Variants in DLGAP2 observed in about 807,000 individuals in gnomAD.
DLGAP2 encodes the protein disks large-associated protein 2.
In DLGAP2, 26 loss-of-function variants were observed where a neutral mutation model predicts 100.3. That is an observed-to-expected ratio of 0.26 (90% confidence interval 0.19 to 0.36). The LOEUF (loss-of-function observed/expected upper bound fraction) is 0.36. DLGAP2 is among the 10% of genes least tolerant of loss of function. The probability of loss-of-function intolerance (pLI) is 1.00; values close to 1 mark genes in which losing one functional copy is unlikely to be tolerated. For synonymous variants in DLGAP2, 886 were observed against 630.1 expected (o/e 1.41, Z -6.08); for missense variants, 1,858 against 1,453.2 (o/e 1.28, Z -4.53).
intron 3 of DLGAP2, among the ~76,000 whole-genome samples, chr8:1,282,791 G>A (rs1799842740): frequency 1.1e-5 from 1 of 93,310 alleles, no homozygotes; most frequent in Non-Finnish European, 2.1e-5. Context: ...GGTGTGACCT[G>A]AGCCCAGCAC....
At chr8:749,288 G>A (rs1312154448) in intron 1 of DLGAP2, among the ~76,000 whole-genome samples, 1 of 152,186 alleles carries the variant, frequency 6.6e-6, no homozygotes, top group Non-Finnish European at 1.5e-5. Flanking sequence ...ATTGCACCTG[G>A]CCTTCTTTTC....
intron 3 of DLGAP2, among the ~76,000 whole-genome samples, chr8:1,269,298 G>T (rs1212209905): frequency 2.0e-5 from 3 of 152,156 alleles, no homozygotes; most frequent in African/African-American, 7.2e-5. Flanking sequence ...TTCCAGCCTG[G>T]AGCTCCCAGC....
Position 1,701,718 on chromosome 8 carries a change from T to C in DLGAP2, c.*312T>C. The C allele has an allele frequency of 4.9e-6, 2 of 411,796 alleles. No individual in the cohort carries two copies. 25.5% of individuals were successfully genotyped at this position (411,796 alleles called of 1,614,324 possible). A position where few individuals can be genotyped will look rare whatever the true frequency, so the allele number is the denominator to read the frequency against. On this transcript the variant is annotated 3_prime_UTR_variant, in exon 15 of 15. Coordinates refer to ENST00000637795, the MANE Select transcript of DLGAP2 (RefSeq NM_001346810.2). ...CTCAGAGGACGGCGAGAAATGCCTC[T>C]GGAGCTGGAACCCAGCTTACATTTT...
intron 2 of DLGAP2, among the ~76,000 whole-genome samples, chr8:1,076,391 G>C (rs1048194358): frequency 1.1e-4 from 17 of 152,236 alleles, no homozygotes; most frequent in African/African-American, 3.1e-4. Context: ...CCGAGCCTCA[G>C]TTTCCATGCA....
intron 2 of DLGAP2, among the ~76,000 whole-genome samples, chr8:1,142,921 C>A (rs1329167877): frequency 2.0e-5 from 3 of 152,148 alleles, no homozygotes; most frequent in Non-Finnish European, 4.4e-5. Context: ...GTCGTATCCC[C>A]TTCCTTTCAG....
At chr8:1,299,083 C>A (rs939945740) in intron 3 of DLGAP2, among the ~76,000 whole-genome samples, 4 of 152,210 alleles carry the variant, frequency 2.6e-5, no homozygotes, top group African/African-American at 7.2e-5. Context: ...TTGTGGGTAA[C>A]TTTTAATTTG....
At position 912,018 on chromosome 8, in the gene DLGAP2, G is replaced by A. The variant is rs373868548; in HGVS notation, c.73+4052G>A. ...AAGCATAATACATTCTTTTCTTTAGGCTGCACAATTGGCGGGGTTCTGACT... is the reference window on the plus strand; with the variant it reads ...AAGCATAATACATTCTTTTCTTTAGACTGCACAATTGGCGGGGTTCTGACT... On this transcript the variant is annotated intron_variant, in intron 2 of 14. Transcript: ENST00000637795. Among the ~76,000 whole-genome samples, 85 of 152,218 alleles carry A rather than the reference G, an allele frequency of 5.6e-4. 1 individual carries two copies. The South Asian group carries it at 0.015, about 27-fold the overall frequency.
rs372939448 is a variant in DLGAP2, at chr8:1,676,589, T to C, written c.2259T>C (p.Ser753=). The C allele has an allele frequency of 1.9e-6, 3 of 1,613,476 alleles. No individual in the cohort carries two copies. The highest frequency in any genetic ancestry group is 2.5e-6 in the Non-Finnish European group (3 of 1,179,708). Residue 753 remains serine, a synonymous_variant, in exon 11 of 15, where the codon TCT becomes TCC. Coordinates refer to ENST00000637795, the MANE Select transcript of DLGAP2 (RefSeq NM_001346810.2). ...TESRGLREYH[S]VGVQVEDEKR... ...GCCGCGGTCTGCGGGAATACCACTC[T>C]GTCGGGGTGCAAGTGGAAGATGAGA...
intron 3 of DLGAP2, among the ~76,000 whole-genome samples, chr8:1,427,874 G>A (rs1332300256): frequency 6.6e-6 from 1 of 152,092 alleles, no homozygotes; most frequent in Non-Finnish European, 1.5e-5. Flanking sequence ...GACCAATACA[G>A]TACTCTTCTC....
chr8:1,048,297 G>A (rs928882269), intron 2 of DLGAP2, among the ~76,000 whole-genome samples: 9 of 152,110 alleles, frequency 5.9e-5, no homozygotes, highest in Admixed American at 5.9e-4. Context: ...GACACCCCAA[G>A]GCTCACAGAC....
chr8:1,098,296 C>T (rs1041250692), intron 2 of DLGAP2, among the ~76,000 whole-genome samples: 1 of 152,206 alleles, frequency 6.6e-6, no homozygotes, highest in Admixed American at 6.5e-5. Flanking sequence ...GTTTTGGATG[C>T]AAAATGGCAA....
intron 2 of DLGAP2, among the ~76,000 whole-genome samples, chr8:1,180,609 G>T (rs915454632): frequency 7.4e-6 from 1 of 135,486 alleles, no homozygotes; most frequent in African/African-American, 2.7e-5. Flanking sequence ...GTGTGGGTGT[G>T]TGAGGGCAGC....
chr8:1,542,081 G>A (rs1801381605), intron 4 of DLGAP2, among the ~76,000 whole-genome samples: 1 of 152,146 alleles, frequency 6.6e-6, no homozygotes, highest in Non-Finnish European at 1.5e-5. Flanking sequence ...AGATTTAGAA[G>A]CAAAAAATAA....
At chr8:1,526,772 A>G (rs1331388340) in intron 4 of DLGAP2, among the ~76,000 whole-genome samples, 3 of 152,170 alleles carry the variant, frequency 2.0e-5, no homozygotes, top group Non-Finnish European at 2.9e-5. Context: ...AGCTACGTCT[A>G]TCCCTGTTAT....
At chr8:1,258,904 C>G in intron 3 of DLGAP2, 21 bp downstream of exon 3, 2 of 1,231,758 alleles carry the variant, frequency 1.6e-6, no homozygotes, top group Non-Finnish European at 2.0e-6. Context: ...GACATGCTGC[C>G]TGGGGTGGGC....
At chr8:853,855 C>G (rs1303597084) in intron 1 of DLGAP2, among the ~76,000 whole-genome samples, 1 of 152,128 alleles carries the variant, frequency 6.6e-6, no homozygotes, top group Non-Finnish European at 1.5e-5. Context: ...GTTTGTCCCC[C>G]AGATTCATAC....
chr8:1,422,441 G>A (rs1273992199), intron 3 of DLGAP2, among the ~76,000 whole-genome samples: 9 of 152,088 alleles, frequency 5.9e-5, no homozygotes, highest in Admixed American at 3.9e-4. Flanking sequence ...GTGACTGAGC[G>A]AGGATCACTA....
chr8:834,946 A>G (rs1391955968), intron 1 of DLGAP2, among the ~76,000 whole-genome samples: 6 of 152,214 alleles, frequency 3.9e-5, no homozygotes, highest in Non-Finnish European at 8.8e-5. Flanking sequence ...ACATTGTGTC[A>G]TGTGTGTATG....
rs1259598410 is a variant in DLGAP2, at chr8:1,206,371, G to T, written c.74-52480G>T. ...CTCCAGCCATCCGTGGACTGGGGTA[G>T]ACTGTGAGCGGTTAATCTCCAGCCA... On this transcript the variant is annotated intron_variant, in intron 2 of 14. Coordinates refer to ENST00000637795, the MANE Select transcript of DLGAP2 (RefSeq NM_001346810.2). 3.1e-3 allele frequency among the ~76,000 whole-genome samples: 463 copies of T among 150,512 alleles called. 3 individuals carry two copies. The highest frequency in any genetic ancestry group is 6.8e-3 in the Middle Eastern group (2 of 294).
Sources: allele counts gnomAD v4.1 joint callset (sites outside exome capture counted in the v4.1 genomes callset), GRCh38; gene constraint gnomAD v4.1.1; transcripts MANE v1.5; gene names NCBI Gene and HGNC (gene_info 2026-07-23, HGNC 2026-07-21).